Variants in SLC24A2 observed in about 807,000 individuals in gnomAD.
SLC24A2 encodes sodium/potassium/calcium exchanger 2.
SLC24A2 carries 36 observed loss-of-function variants against 62.0 expected under a neutral mutation model. The observed-to-expected ratio is 0.58, with a 90% CI of 0.44 to 0.77. The LOEUF (loss-of-function observed/expected upper bound fraction) is 0.77. SLC24A2 is among the 30% of genes least tolerant of loss of function. The pLI is 0.00. For missense variants in SLC24A2, 846 were observed against 817.9 expected, an observed-to-expected ratio of 1.03 and a Z score of -0.42; for synonymous variants, 358 against 294.0, an observed-to-expected ratio of 1.22 and a Z score of -2.23.
At chr9:19,860,838 T>C in the SLC24A2 span, among the ~76,000 whole-genome samples, 1 of 152,200 alleles carries the variant, frequency 6.6e-6, no homozygotes, top group Admixed American at 6.5e-5. Context: ...GGCAGTGGCC[T>C]GAAGGTGAGA....
chr9:19,550,551 A>C (rs1834793427), intron 7 of SLC24A2, among the ~76,000 whole-genome samples: 1 of 152,192 alleles, frequency 6.6e-6, no homozygotes, highest in African/African-American at 2.4e-5. Context: ...GTGGGCTACA[A>C]CTACAATTCA....
At chr9:19,909,326 C>T in the SLC24A2 span, among the ~76,000 whole-genome samples, 40 of 149,892 alleles carry the variant, frequency 2.7e-4, no homozygotes, top group African/African-American at 8.8e-4. Context: ...ACACAGGGGC[C>T]TGTTGTGGGG....
At chr9:19,896,630 C>G in the SLC24A2 span, among the ~76,000 whole-genome samples, 1 of 152,078 alleles carries the variant, frequency 6.6e-6, no homozygotes, top group East Asian at 1.9e-4. Flanking sequence ...GTAATTTGGC[C>G]CCAAACCACA....
chr9:20,139,384 A>G, the SLC24A2 span, among the ~76,000 whole-genome samples: 1 of 152,202 alleles, frequency 6.6e-6, no homozygotes, highest in Non-Finnish European at 1.5e-5. Context: ...ATACCTAAAA[A>G]GACTATTGTG....
At chr9:19,842,891 T>G in the SLC24A2 span, among the ~76,000 whole-genome samples, 14 of 152,322 alleles carry the variant, frequency 9.2e-5, no homozygotes, top group East Asian at 2.3e-3. Context: ...CCTTCTATAA[T>G]AAATGATTTT....
chr9:19,947,808 A>AAAAAAAAGAAAGAAAGAAAG, the SLC24A2 span, among the ~76,000 whole-genome samples: 3 of 59,224 alleles, frequency 5.1e-5, no homozygotes, highest in Non-Finnish European at 9.2e-5. Context: ...AAAAAAAAAA[A>AAAAAAAAGAAAGAAAGAAAG]AAAGAAAGAA....
the SLC24A2 span, among the ~76,000 whole-genome samples, chr9:20,041,136 G>A: frequency 1.4e-4 from 22 of 152,370 alleles, no homozygotes; most frequent in African/African-American, 5.0e-4. Flanking sequence ...GAAAGAGAGA[G>A]AGTGCGTGTG....
At chr9:19,903,323 C>T in the SLC24A2 span, among the ~76,000 whole-genome samples, 48 of 151,560 alleles carry the variant, frequency 3.2e-4, 1 homozygote, top group East Asian at 9.3e-3. Flanking sequence ...CAGAGAGAAA[C>T]AGAGAGAGAG....
intron 2 of SLC24A2, among the ~76,000 whole-genome samples, chr9:19,739,489 A>T (rs1017452451): frequency 6.6e-6 from 1 of 152,186 alleles, no homozygotes; most frequent in Non-Finnish European, 1.5e-5. Context: ...GGACATACAA[A>T]CAGAGAAACC....
the SLC24A2 span, among the ~76,000 whole-genome samples, chr9:20,137,673 A>G: frequency 6.6e-6 from 1 of 152,282 alleles, no homozygotes; most frequent in East Asian, 1.9e-4. Flanking sequence ...TACCTTGGGT[A>G]TCTTTACTAG....
intron 4 of SLC24A2, among the ~76,000 whole-genome samples, chr9:19,600,333 C>T (rs1369041695): frequency 2.0e-5 from 3 of 152,172 alleles, no homozygotes; most frequent in Non-Finnish European, 2.9e-5. Flanking sequence ...TATATTACTA[C>T]CCCTCTAACT....
Position 19,599,769 on chromosome 9 carries a change from G to A in SLC24A2, c.1079-2490C>T, listed in dbSNP as rs564611155. Among the ~76,000 whole-genome samples the A allele has an allele frequency of 2.0e-5, 3 of 152,266 alleles. No individual in the cohort carries two copies. Among genetic ancestry groups the A allele is most frequent in the Non-Finnish European group, 4.4e-5 (3 of 68,016 alleles). On this transcript the variant is annotated intron_variant, in intron 4 of 10. Transcript: ENST00000341998. This position sits in a 1 kb window ranked among gnomAD's most constrained non-coding sequence, Gnocchi z 4.5. ...TCATGCACTTGGCTGGGGTCCTACA[G>A]CCCATGATGCCTCCTGGAACGTACC...
the SLC24A2 span, among the ~76,000 whole-genome samples, chr9:19,922,013 T>A: frequency 6.6e-6 from 1 of 152,186 alleles, no homozygotes; most frequent in Admixed American, 6.5e-5. Flanking sequence ...TTTTGTGGTC[T>A]TAAAATGTAC....
intron 2 of SLC24A2, among the ~76,000 whole-genome samples, chr9:19,757,519 A>G (rs1459808479): frequency 6.6e-6 from 1 of 152,160 alleles, no homozygotes; most frequent in African/African-American, 2.4e-5. Flanking sequence ...AAATAGATGC[A>G]AAGCAGAAAT....
upstream of SLC24A2, among the ~76,000 whole-genome samples, chr9:19,789,384 G>A (rs556328939): frequency 1.3e-5 from 2 of 152,366 alleles, no homozygotes; most frequent in East Asian, 3.9e-4. Context: ...GATAGCAGTC[G>A]CGCTTTTCTT....
the SLC24A2 span, among the ~76,000 whole-genome samples, chr9:20,058,259 C>T: frequency 6.6e-6 from 1 of 152,102 alleles, no homozygotes; most frequent in African/African-American, 2.4e-5. Context: ...TCAAGCTAGA[C>T]ATAATGTAAG....
the SLC24A2 span, among the ~76,000 whole-genome samples, chr9:20,014,495 G>GATATAT: frequency 0.037 from 5,179 of 140,448 alleles, 122 homozygotes; most frequent in African/African-American, 0.055. Context: ...AGAAAAATGT[G>GATATAT]ATATATATAT....
At chr9:19,861,546 A>G in the SLC24A2 span, among the ~76,000 whole-genome samples, 9 of 152,184 alleles carry the variant, frequency 5.9e-5, no homozygotes, top group Non-Finnish European at 1.3e-4. Context: ...AACATCTACA[A>G]AGATGATCCA....
the SLC24A2 span, among the ~76,000 whole-genome samples, chr9:20,086,999 T>C: frequency 6.6e-6 from 1 of 152,184 alleles, no homozygotes; most frequent in Non-Finnish European, 1.5e-5. Flanking sequence ...CTAAATAGAA[T>C]ACAACTCAGA....
Sources: allele counts gnomAD v4.1 joint callset (sites outside exome capture counted in the v4.1 genomes callset), GRCh38; gene constraint gnomAD v4.1.1; non-coding constraint Gnocchi (gnomAD v3.1); transcripts MANE v1.5; gene names NCBI Gene and HGNC (gene_info 2026-07-23, HGNC 2026-07-21).